TENT2: variants seen among roughly 807,000 people sequenced by gnomAD.
The protein encoded by TENT2 is poly(A) RNA polymerase GLD2.
TENT2 carries 44 observed loss-of-function variants against 72.2 expected under a neutral mutation model. That is an observed-to-expected ratio of 0.61 (90% confidence interval 0.48 to 0.78). The LOEUF is 0.78. Among genes scored for constraint, TENT2 ranks in the 30% least tolerant of loss-of-function variants. The probability of loss-of-function intolerance (pLI) is 0.00; values close to 1 mark genes in which losing one functional copy is unlikely to be tolerated. For missense variants in TENT2, 541 were observed against 569.6 expected (o/e 0.95, Z 0.51); for synonymous variants, 212 against 192.5 (o/e 1.10, Z -0.84).
At position 79,625,825 on chromosome 5, in the gene TENT2, T is replaced by C. The variant is rs375889523; in HGVS notation, c.465+2336T>C. The stretch of plus-strand genomic sequence containing the variant: ...GAGAAAAGATTAACTTGGGTTTTTT[T>C]AGTTAGCTGTTTTTTTTTTTTTGAT... On this transcript the variant is annotated intron_variant, in intron 4 of 14. Coordinates refer to ENST00000453514, the MANE Select transcript of TENT2 (RefSeq NM_001114394.3). 3.1e-4 allele frequency among the ~76,000 whole-genome samples: 46 copies of C among 146,452 alleles called. 1 individual carries two copies. Among genetic ancestry groups the C allele is most frequent in the African/African-American group, 1.2e-3 (43 of 37,332 alleles).
At chr5:79,628,866 A>G (rs910568949) in intron 4 of TENT2, among the ~76,000 whole-genome samples, 1 of 152,230 alleles carries the variant, frequency 6.6e-6, no homozygotes, top group African/African-American at 2.4e-5. Context: ...ATAATAATTG[A>G]TATCTTGGGA....
intron 12 of TENT2, 46 bp downstream of exon 12, chr5:79,669,074 GTGTGTA>G: frequency 6.3e-7 from 1 of 1,594,738 alleles, no homozygotes. Flanking sequence ...ATGTGTGTGT[GTGTGTA>G]TGTATGTATA....
intron 11 of TENT2, among the ~76,000 whole-genome samples, chr5:79,664,158 C>T (rs1010091616): frequency 1.3e-5 from 2 of 152,090 alleles, no homozygotes; most frequent in Non-Finnish European, 2.9e-5. Context: ...ACTTTAGCAT[C>T]CCCTGGAGCC....
chr5:79,638,007 C>G (rs1781539050), intron 4 of TENT2, among the ~76,000 whole-genome samples: 1 of 151,652 alleles, frequency 6.6e-6, no homozygotes, highest in African/African-American at 2.4e-5. Context: ...ACCATGTTGT[C>G]CAGGATGGTC....
chr5:79,629,623 C>G (rs1055224565), intron 4 of TENT2, among the ~76,000 whole-genome samples: 2 of 147,582 alleles, frequency 1.4e-5, no homozygotes, highest in African/African-American at 5.0e-5. Flanking sequence ...GTCAGGAGAT[C>G]GAGACCATCC....
chr5:79,615,853 C>G (rs1759399638), intron 1 of TENT2, among the ~76,000 whole-genome samples: 1 of 152,052 alleles, frequency 6.6e-6, no homozygotes, highest in African/African-American at 2.4e-5. Flanking sequence ...GCTGGGACTT[C>G]AGATGCAGAC....
At chr5:79,667,081 A>G (rs535515923) in intron 11 of TENT2, among the ~76,000 whole-genome samples, 1 of 152,270 alleles carries the variant, frequency 6.6e-6, no homozygotes, top group Non-Finnish European at 1.5e-5. Context: ...ATTTTAATGG[A>G]GTGGATCTCA....
intron 10 of TENT2, among the ~76,000 whole-genome samples, chr5:79,655,002 A>G (rs1012954938): frequency 6.6e-6 from 1 of 152,168 alleles, no homozygotes; most frequent in Non-Finnish European, 1.5e-5. Context: ...ATGTATTCTG[A>G]TAATGAGCTT....
rs1414613678 is a variant in TENT2, at chr5:79,612,662, T to G, written c.-451T>G. 1 of 152,586 alleles carries G rather than the reference T, an allele frequency of 6.6e-6. No homozygotes were observed. The highest frequency in any genetic ancestry group is 1.9e-4 in the East Asian group (1 of 5,188). The allele number at this position is 152,586 out of a possible 1,614,324, so 9.5% of individuals were successfully genotyped here. A position where few individuals can be genotyped will look rare whatever the true frequency, so the allele number is the denominator to read the frequency against. On this transcript the variant is annotated 5_prime_UTR_variant, in exon 1 of 15. Coordinates refer to ENST00000453514, the MANE Select transcript of TENT2 (RefSeq NM_001114394.3). The stretch of plus-strand genomic sequence containing the variant: ...AGCTGTCCCACGGGCCACCACTACC[T>G]CCTTTGGTTCGGGAGAAAGCTACGA...
At chr5:79,642,707 A>G in intron 6 of TENT2, 125 bp from the exon 7 acceptor site, 2 of 656,820 alleles carry the variant, frequency 3.0e-6, no homozygotes, top group Non-Finnish European at 5.0e-6. Flanking sequence ...TACTTTGAGT[A>G]TATTGAAAAA....
intron 4 of TENT2, 96 bp downstream of exon 4, chr5:79,623,585 T>C: frequency 1.2e-6 from 1 of 824,660 alleles, no homozygotes; most frequent in Non-Finnish European, 1.8e-6. Flanking sequence ...AAGTAGAACG[T>C]GCCTTTTTTT....
chr5:79,656,904 A>G, intron 10 of TENT2, 54 bp from the exon 11 acceptor site: 2 of 1,351,576 alleles, frequency 1.5e-6, no homozygotes, highest in South Asian at 1.3e-5. Flanking sequence ...AAATTATTGC[A>G]TTGTAAAATG....
intron 6 of TENT2, among the ~76,000 whole-genome samples, chr5:79,642,504 A>T (rs1464930425): frequency 6.6e-6 from 1 of 152,090 alleles, no homozygotes; most frequent in Non-Finnish European, 1.5e-5. Flanking sequence ...TAGGGCTAAA[A>T]TTCTGTTTAT....
At chr5:79,652,363 A>G (rs1033458914) in intron 10 of TENT2, among the ~76,000 whole-genome samples, 1 of 151,992 alleles carries the variant, frequency 6.6e-6, no homozygotes, top group African/African-American at 2.4e-5. Flanking sequence ...CATAATACCA[A>G]TTTTATTTAA....
chr5:79,642,927 T>G lies in TENT2; in HGVS notation c.751+17T>G. ...CTAGACTTTGTAAGTCTGACATGCC[T>G]CAAGTTTGTATGTCACCTGACGTAA... On this transcript the variant is annotated intron_variant, in intron 7 of 14. Coordinates refer to ENST00000453514, the MANE Select transcript of TENT2 (RefSeq NM_001114394.3). 1 of 1,606,986 alleles carries G rather than the reference T, an allele frequency of 6.2e-7. No individual in the cohort carries two copies. The highest frequency in any genetic ancestry group is 1.1e-5 in the South Asian group (1 of 89,858).
intron 4 of TENT2, among the ~76,000 whole-genome samples, chr5:79,627,105 G>A (rs1024681106): frequency 6.6e-6 from 1 of 150,458 alleles, no homozygotes; most frequent in African/African-American, 2.5e-5. Flanking sequence ...CGTCCAGCCT[G>A]GGCGACAGAG....
intron 1 of TENT2, among the ~76,000 whole-genome samples, chr5:79,619,345 T>A (rs1762933611): frequency 6.6e-6 from 1 of 152,226 alleles, no homozygotes; most frequent in South Asian, 2.1e-4. Flanking sequence ...GATTTGTTGA[T>A]ACGAGGGTAA....
Position 79,668,888 on chromosome 5 carries a change from AC to A in TENT2, c.1072-3del. On this transcript the variant is annotated splice_region_variant and splice_polypyrimidine_tract_variant and intron_variant, in intron 11 of 14. Transcript: ENST00000453514. Reference sequence around the variant, plus strand: ...ACATTTTTTCCCCTTCTTCTTTTTGACAGGAGTCTTTTAGTCCTGCTATACA... The same window carrying A: ...ACATTTTTTCCCCTTCTTCTTTTTGAAGGAGTCTTTTAGTCCTGCTATACA... 6.3e-7 allele frequency: 1 copy of A among 1,598,096 alleles called. No individual in the cohort carries two copies. Among genetic ancestry groups the A allele is most frequent in the South Asian group, 1.1e-5 (1 of 87,814 alleles).
At chr5:79,640,161 C>T (rs1783278312) in intron 4 of TENT2, among the ~76,000 whole-genome samples, 1 of 151,494 alleles carries the variant, frequency 6.6e-6, no homozygotes, top group African/African-American at 2.4e-5. Flanking sequence ...GACGCTGAGG[C>T]AGGAGAACCG....
Sources: allele counts gnomAD v4.1 joint callset (sites outside exome capture counted in the v4.1 genomes callset), GRCh38; gene constraint gnomAD v4.1.1; transcripts MANE v1.5; gene names NCBI Gene and HGNC (gene_info 2026-07-23, HGNC 2026-07-21).